The following COL17A1 variants were observed in gnomAD, a reference collection of about 807,000 sequenced individuals.
The protein encoded by COL17A1 is collagen type XVII alpha 1 chain, also known as collagen alpha-1(XVII) chain.
In COL17A1, 181 loss-of-function variants were observed where a neutral mutation model predicts 218.4. The ratio of observed to expected loss-of-function variants is 0.83; its 90% confidence interval spans 0.73 to 0.94. The LOEUF (loss-of-function observed/expected upper bound fraction) is 0.94, where lower values mean the gene tolerates loss of function less well. Ranked by LOEUF, COL17A1 falls within the 40% of genes least tolerant of loss-of-function variation. The probability of loss-of-function intolerance (pLI) is 0.00; values close to 1 mark genes in which losing one functional copy is unlikely to be tolerated. For synonymous variants in COL17A1, 721 were observed against 731.0 expected (o/e 0.99, Z 0.22); for missense variants, 1,924 against 1,945.9 (o/e 0.99, Z 0.21).
rs762634230 is a variant in COL17A1, at chr10:104,070,523, C to T, written c.510G>A (p.Ser170=). Residue 170 remains serine (S), a synonymous_variant, in exon 9 of 56, where the codon TCG becomes TCA. Transcript: ENST00000648076. ...DVKRLLKGSR[S]ASVSPTRNSS... is the part of the protein sequence containing the mutation. The stretch of plus-strand genomic sequence containing the variant: ...AATTCCGGGTGGGGCTCACACTTGC[C>T]GATCGACTCCCCTTGAGCAAACGCT... The T allele has an allele frequency of 1.2e-5, 19 of 1,614,014 alleles. No individual in the cohort carries two copies. The East Asian group carries it at 2.2e-4, about 19-fold the overall frequency.
rs574060653 is a variant in COL17A1 at position 104,043,626 on chromosome 10, C to T, written c.2435-45G>A. ...GGAACATTGAGCCCTACTTTTCTCA[C>T]TCAGAGGCGCTGGGACCCAAGCCAG... On this transcript the variant is annotated intron_variant, in intron 34 of 55. Transcript: ENST00000648076. 93 of 1,604,810 alleles carry T rather than the reference C, an allele frequency of 5.8e-5. 3 individuals are homozygous for T. In the South Asian group the frequency reaches 9.8e-4, roughly 17 times the overall value.
rs1484997397 is a variant in COL17A1, at chr10:104,077,431, T to G, written c.193A>C (p.Ile65Leu). The part of the protein sequence containing the change: ...QSLTHGSSGY[I>L]NSTGSTRGHA... ...ACTAGTGGGCACTCACTTGAGTTTA[T>G]GTAGCCGCTGCTGCCATGAGTCAGG... The change falls in exon 4 of 56, where the codon ATA becomes CTA. Residue 65 changes from isoleucine to leucine, a missense_variant. Coordinates refer to ENST00000648076, the MANE Select transcript of COL17A1 (RefSeq NM_000494.4). 1.2e-6 allele frequency: 2 copies of G among 1,612,478 alleles called. No homozygotes were observed. The highest frequency in any genetic ancestry group is 3.3e-5 in the Admixed American group (2 of 59,896).
At position 104,044,239 on chromosome 10, in the gene COL17A1, G is replaced by A. The variant is rs1400126210; in HGVS notation, c.2399-379C>T. ...AAAGGTCAAAGGACAGAGGCGATGA[G>A]CCCGCCAGGTAGAGCGGGATTCCTA... On this transcript the variant is annotated intron_variant, in intron 33 of 55. Transcript: ENST00000648076. 2.0e-5 allele frequency among the ~76,000 whole-genome samples: 3 copies of A among 152,222 alleles called. No homozygotes were observed. The East Asian group carries it at 5.8e-4, about 29-fold the overall frequency.
At position 104,035,459 on chromosome 10, in the gene COL17A1, C is replaced by A. The variant is rs1417519484; in HGVS notation, c.3508+15G>T. On this transcript the variant is annotated intron_variant, in intron 49 of 55. Coordinates refer to ENST00000648076, the MANE Select transcript of COL17A1 (RefSeq NM_000494.4). Reference sequence around the variant, plus strand: ...TCCCCAACCAGTTGGACAGATGTCCCCTGCTGGGCCTTACCTCGCAGCAAG... The same window carrying A: ...TCCCCAACCAGTTGGACAGATGTCCACTGCTGGGCCTTACCTCGCAGCAAG... 1 of 1,613,844 alleles carries A rather than the reference C, an allele frequency of 6.2e-7. No homozygotes were observed. The highest frequency in any genetic ancestry group is 8.5e-7 in the Non-Finnish European group (1 of 1,179,938).
At chr10:104,056,136 G>T in intron 17 of COL17A1, 133 bp from the exon 18 acceptor site, 1 of 1,092,930 alleles carries the variant, frequency 9.1e-7, no homozygotes, top group Non-Finnish European at 1.4e-6. Flanking sequence ...TACTCATGCA[G>T]AGATAATCTG....
At chr10:104,040,657 G>A (rs1379621652) in intron 39 of COL17A1, among the ~76,000 whole-genome samples, 1 of 152,050 alleles carries the variant, frequency 6.6e-6, no homozygotes, top group Non-Finnish European at 1.5e-5. Context: ...TAAATGGATG[G>A]GTGGATGGAT....
intron 5 of COL17A1, 52 bp downstream of exon 5, chr10:104,076,249 A>C (rs2086708883): frequency 6.2e-7 from 1 of 1,612,114 alleles, no homozygotes; most frequent in Non-Finnish European, 8.5e-7. Context: ...AGAATGAGTG[A>C]AGTTGCTTGG....
At position 104,049,457 on chromosome 10, in the gene COL17A1, T is replaced by C; in HGVS notation, c.2179A>G (p.Arg727Gly). The C allele has an allele frequency of 6.2e-7, 1 of 1,614,200 alleles. No homozygotes were observed. Among genetic ancestry groups the C allele is most frequent in the Non-Finnish European group, 8.5e-7 (1 of 1,180,024 alleles). The change falls in exon 29 of 56, where the codon AGA (arginine) becomes GGA (glycine). Residue 727 changes from arginine to glycine, a missense_variant. Arg to Gly is a moderately radical substitution (Grantham distance 125). Transcript: ENST00000648076. ...PRGLTGEPGM[R>G]GLPGAVGEPG... ...TCACCAACAGCACCAGGCAAACCTC[T>C]CATGCCAGGCTCGCCTGCAAAGGAC...
chr10:104,056,955 C>A lies in COL17A1; in HGVS notation c.1465+20G>T. Reference sequence around the variant, plus strand: ...CCTGCCTCCTACCACACAGGCTGCCCTGCTGCCTTTGCCACGTACCCAGAG... The same window carrying A: ...CCTGCCTCCTACCACACAGGCTGCCATGCTGCCTTTGCCACGTACCCAGAG... On this transcript the variant is annotated intron_variant, in intron 17 of 55. Coordinates refer to ENST00000648076, the MANE Select transcript of COL17A1 (RefSeq NM_000494.4). 6.4e-7 allele frequency: 1 copy of A among 1,557,422 alleles called. No individual in the cohort carries two copies. Among genetic ancestry groups the A allele is most frequent in the South Asian group, 1.2e-5 (1 of 85,268 alleles).
chr10:104,052,932 G>T (rs2274101), intron 23 of COL17A1, 99 bp downstream of exon 23: 55 of 1,402,704 alleles, frequency 3.9e-5, no homozygotes, highest in African/African-American at 2.0e-4. Flanking sequence ...ATGAAGGAAG[G>T]GGGGAGAAAC....
rs2086497144 is a variant in COL17A1, at chr10:104,054,169, A to G, written c.1745-51T>C. ...AGTGGTCAGCCAGAAGACTGTGCCC[A>G]ATTCCCAAAGCAGTCACTAGTGGGA... On this transcript the variant is annotated intron_variant, in intron 20 of 55. Transcript: ENST00000648076. 2.5e-6 allele frequency: 4 copies of G among 1,578,890 alleles called. No homozygotes were observed. The East Asian group carries it at 6.8e-5, about 27-fold the overall frequency.
chr10:104,052,043 T>TGGGGCAGG (rs2086474491), intron 24 of COL17A1, 112 bp downstream of exon 24: 1 of 1,435,094 alleles, frequency 7.0e-7, no homozygotes, highest in Admixed American at 1.7e-5. Context: ...TGCACAGGCC[T>TGGGGCAGG]GGGGCAGGGG....
intron 7 of COL17A1, among the ~76,000 whole-genome samples, chr10:104,072,807 T>C (rs998142864): frequency 6.6e-6 from 1 of 152,146 alleles, no homozygotes; most frequent in African/African-American, 2.4e-5. Context: ...ATCTCCTGGA[T>C]GAATTTTGAA....
chr10:104,062,304 G>T lies in COL17A1; in HGVS notation c.864C>A (p.Ala288=), dbSNP rs1275166426. The T allele has an allele frequency of 1.9e-6, 3 of 1,614,112 alleles. No homozygotes were observed. The highest frequency in any genetic ancestry group is 1.7e-6 in the Non-Finnish European group (2 of 1,180,048). The change falls in exon 12 of 56, where the codon GCC becomes GCA. Residue 288 remains alanine, a synonymous_variant. Coordinates refer to ENST00000648076, the MANE Select transcript of COL17A1 (RefSeq NM_000494.4). ...SSVFGMQNNL[A]PSLTTLSHGT... The stretch of plus-strand genomic sequence containing the variant: ...CATGGGACAGGGTGGTCAAGCTGGG[G>T]GCCAGATTGTTCTGCATGCCAAACA...
At chr10:104,051,412 G>T (rs1589565580) in intron 25 of COL17A1, 69 bp downstream of exon 25, 1 of 1,570,454 alleles carries the variant, frequency 6.4e-7, no homozygotes, top group Non-Finnish European at 8.7e-7. Flanking sequence ...AAAAATATTT[G>T]GTTTTCCTTT....
In COL17A1 at chr10:104,053,173, C is replaced by T. The variant is rs577057304; in HGVS notation, c.1835-38G>A. On this transcript the variant is annotated intron_variant, in intron 22 of 55. Coordinates refer to ENST00000648076, the MANE Select transcript of COL17A1 (RefSeq NM_000494.4). ...ATGGCCAGCCTCCAAGTCAGGATCC[C>T]GTACCCCAGCTAACGGCTCCACAGG... 8.7e-6 allele frequency: 14 copies of T among 1,605,808 alleles called. No homozygotes were observed. The East Asian group carries it at 8.9e-5, about 10-fold the overall frequency.
At chr10:104,082,332 A>G (rs2086771932) in intron 1 of COL17A1, among the ~76,000 whole-genome samples, 1 of 152,222 alleles carries the variant, frequency 6.6e-6, no homozygotes, top group African/African-American at 2.4e-5. Context: ...TATATGACTT[A>G]TGTCATGCAA....
In COL17A1 at chr10:104,040,013, G is replaced by A; in HGVS notation, c.2762-14C>T. On this transcript the variant is annotated splice_polypyrimidine_tract_variant and intron_variant, in intron 40 of 55. Transcript: ENST00000648076. Reference sequence around the variant, plus strand: ...GGCCTGGGGGACCTGAGGGAAAAAGGCAGAGAGCTATGAGACAGGTACCAA... The same window carrying A: ...GGCCTGGGGGACCTGAGGGAAAAAGACAGAGAGCTATGAGACAGGTACCAA... 3 of 1,613,884 alleles carry A rather than the reference G, an allele frequency of 1.9e-6. No individual in the cohort carries two copies. The highest frequency in any genetic ancestry group is 2.5e-6 in the Non-Finnish European group (3 of 1,179,946).
At chr10:104,033,093 G>A in intron 53 of COL17A1, 125 bp from the exon 54 acceptor site, 1 of 1,514,038 alleles carries the variant, frequency 6.6e-7, no homozygotes, top group South Asian at 1.2e-5. Flanking sequence ...AGGAAACAAA[G>A]TTCAGAATTT....
Sources: allele counts gnomAD v4.1 joint callset (sites outside exome capture counted in the v4.1 genomes callset), GRCh38; gene constraint gnomAD v4.1.1; transcripts MANE v1.5; gene names NCBI Gene and HGNC (gene_info 2026-07-23, HGNC 2026-07-21).